GRIK4: variants seen among roughly 807,000 people sequenced by gnomAD.
The protein encoded by GRIK4 is glutamate ionotropic receptor kainate type subunit 4.
Under a neutral mutation model 104.9 loss-of-function variants are expected in GRIK4, and 40 were observed. The ratio of observed to expected loss-of-function variants is 0.38; its 90% CI spans 0.30 to 0.50. The LOEUF (loss-of-function observed/expected upper bound fraction) is 0.50. GRIK4 is among the 20% of genes least tolerant of loss of function. The pLI is 0.93. For missense variants in GRIK4, 1,047 were observed against 1,308.1 expected, an observed-to-expected ratio of 0.80 and a Z score of 3.08; for synonymous variants, 485 against 524.9, an observed-to-expected ratio of 0.92 and a Z score of 1.04.
chr11:120,594,148 G>A (rs1948770597), intron 1 of GRIK4, among the ~76,000 whole-genome samples: 1 of 152,132 alleles, frequency 6.6e-6, no homozygotes, highest in South Asian at 2.1e-4. Context: ...TGCTACTCTT[G>A]TGCTTCAAAC....
intron 3 of GRIK4, among the ~76,000 whole-genome samples, chr11:120,755,795 T>A (rs775684648): frequency 7.9e-5 from 12 of 152,116 alleles, no homozygotes; most frequent in Non-Finnish European, 1.5e-4. Flanking sequence ...CCTCCTACCC[T>A]CCAGGGAGAG....
intron 3 of GRIK4, among the ~76,000 whole-genome samples, chr11:120,779,800 T>C (rs1952115621): frequency 6.6e-6 from 1 of 152,260 alleles, no homozygotes; most frequent in Non-Finnish European, 1.5e-5. Flanking sequence ...AGGCAGGTAG[T>C]ATTTCTACAT....
chr11:120,661,638 G>A (rs1949818707), intron 3 of GRIK4, among the ~76,000 whole-genome samples: 1 of 152,178 alleles, frequency 6.6e-6, no homozygotes, highest in Non-Finnish European at 1.5e-5. Context: ...GCAGAGGTGG[G>A]CGAGCAGCCA....
intron 1 of GRIK4, among the ~76,000 whole-genome samples, chr11:120,544,142 GAC>G (rs1948063434): frequency 6.6e-6 from 1 of 152,110 alleles, no homozygotes; most frequent in African/African-American, 2.4e-5. Flanking sequence ...TCTTACCATA[GAC>G]ATATGAAAAT....
intron 3 of GRIK4, among the ~76,000 whole-genome samples, chr11:120,675,763 T>C (rs951727245): frequency 6.6e-6 from 1 of 152,122 alleles, no homozygotes; most frequent in Non-Finnish European, 1.5e-5. Context: ...ATAGAATTGT[T>C]GAGGTTTACA....
chr11:120,566,730 C>T (rs1340897874), intron 1 of GRIK4, among the ~76,000 whole-genome samples: 1 of 142,964 alleles, frequency 7.0e-6, no homozygotes, highest in African/African-American at 2.6e-5. Flanking sequence ...TTTGAGACGG[C>T]GTCTCACTCT....
At chr11:120,824,537 C>CTTTTTTTTTTTTTTTTTTTTTT (rs967209826) in intron 6 of GRIK4, among the ~76,000 whole-genome samples, 1 of 141,842 alleles carries the variant, frequency 7.1e-6, no homozygotes, top group Non-Finnish European at 1.6e-5. Context: ...TTTTTTCCTT[C>CTTTTTTTTTTTTTTTTTTTTTT]TTTTTTTTTT....
At chr11:120,925,975 A>G (rs1159934694) in intron 13 of GRIK4, among the ~76,000 whole-genome samples, 1 of 77,914 alleles carries the variant, frequency 1.3e-5, no homozygotes, top group Non-Finnish European at 3.1e-5. Flanking sequence ...CTCCATCTCA[A>G]AAAAAAAAAA....
chr11:120,565,999 A>G (rs1565552261), intron 1 of GRIK4, among the ~76,000 whole-genome samples: 1 of 152,188 alleles, frequency 6.6e-6, no homozygotes, highest in Admixed American at 6.5e-5. Flanking sequence ...AGCCGTGTTG[A>G]AAGTAGGCGT....
rs542951679 is a variant in GRIK4, at chr11:120,604,041, G to A, written c.-158-49644G>A. Among the ~76,000 whole-genome samples the A allele has an allele frequency of 5.3e-3, 809 of 151,976 alleles. 3 individuals carry two copies. The highest frequency in any genetic ancestry group is 8.3e-3 in the Admixed American group (126 of 15,266). On this transcript the variant is annotated intron_variant, in intron 1 of 20. Transcript: ENST00000527524. ...AAAAAAATTAGCCAGGCGTGGTGGC[G>A]GGCACCTGTAGCCCCAGCTACTCGG...
intron 3 of GRIK4, among the ~76,000 whole-genome samples, chr11:120,690,866 G>A (rs1005622944): frequency 1.1e-4 from 16 of 152,140 alleles, no homozygotes; most frequent in Non-Finnish European, 2.2e-4. Flanking sequence ...CTTTTATGTG[G>A]CTCTGTCTCG....
rs1012536933 is a variant in GRIK4 at position 120,554,849 on chromosome 11, G to A, written c.-159+42962G>A. Among the ~76,000 whole-genome samples the A allele has an allele frequency of 2.0e-5, 3 of 152,108 alleles. No individual in the cohort carries two copies. In the East Asian group the frequency reaches 5.8e-4, roughly 29 times the overall value. On this transcript the variant is annotated intron_variant, in intron 1 of 20. Transcript: ENST00000527524. ...GCTGGGATTACAGGCGTGAGCCACCGCGCCTGGCCCCTTCCAGTCTCTTGA... is the reference window on the plus strand; with the variant it reads ...GCTGGGATTACAGGCGTGAGCCACCACGCCTGGCCCCTTCCAGTCTCTTGA...
At chr11:120,735,814 C>T (rs1336758140) in intron 3 of GRIK4, among the ~76,000 whole-genome samples, 1 of 152,188 alleles carries the variant, frequency 6.6e-6, no homozygotes, top group African/African-American at 2.4e-5. Flanking sequence ...TGGCCTCCAC[C>T]ACCACTGGCC....
intron 3 of GRIK4, among the ~76,000 whole-genome samples, chr11:120,686,560 G>A (rs2135299562): frequency 1.3e-5 from 2 of 152,346 alleles, no homozygotes. Context: ...AGTCCTGCTG[G>A]TAGTGGATGG....
chr11:120,869,575 G>C (rs1294482918), intron 9 of GRIK4: 1 of 152,346 alleles, frequency 6.6e-6, no homozygotes, highest in Non-Finnish European at 1.5e-5. Context: ...TAATAAGAGA[G>C]CATCAGCCAA....
chr11:120,874,808 G>A (rs905317948), intron 10 of GRIK4, among the ~76,000 whole-genome samples: 2 of 152,220 alleles, frequency 1.3e-5, no homozygotes, highest in Non-Finnish European at 2.9e-5. Context: ...GCCCGGAGAG[G>A]ATGAATGCTG....
chr11:120,740,194 G>A (rs1018531452), intron 3 of GRIK4, among the ~76,000 whole-genome samples: 1 of 152,286 alleles, frequency 6.6e-6, no homozygotes, highest in African/African-American at 2.4e-5. Flanking sequence ...TTAATAAAAT[G>A]CCTGAGCCTG....
chr11:120,687,263 G>A (rs1950290585), intron 3 of GRIK4, among the ~76,000 whole-genome samples: 1 of 149,646 alleles, frequency 6.7e-6, no homozygotes, highest in Non-Finnish European at 1.5e-5. Flanking sequence ...CAGGGACCAT[G>A]CCTTGGGTCT....
intron 3 of GRIK4, among the ~76,000 whole-genome samples, chr11:120,664,062 A>C (rs1318624911): frequency 6.6e-6 from 1 of 152,224 alleles, no homozygotes; most frequent in African/African-American, 2.4e-5. Flanking sequence ...GATGCAAAGA[A>C]GTATATGGGT....
Sources: gnomAD v4.1 joint callset for allele counts (sites outside exome capture counted in the v4.1 genomes callset) on GRCh38, gnomAD v4.1.1 for gene constraint, MANE v1.5 for transcripts, NCBI Gene and HGNC (gene_info 2026-07-23, HGNC 2026-07-21) for gene names.